MEIS1: variants seen among roughly 807,000 people sequenced by gnomAD.
MEIS1 encodes Meis homeobox 1.
In MEIS1, 5 loss-of-function variants were observed where a neutral mutation model predicts 50.8. The observed-to-expected ratio is 0.10, with a 90% CI of 0.05 to 0.21. The LOEUF is 0.21. MEIS1 is among the 10% of genes least tolerant of loss of function. MEIS1 has a pLI of 1.00. For synonymous variants in MEIS1, 176 were observed against 179.3 expected (o/e 0.98, Z 0.15); for missense variants, 318 against 517.3 (o/e 0.61, Z 3.74).
At chr2:66,506,550 G>T (rs1197385223) in intron 7 of MEIS1, among the ~76,000 whole-genome samples, 6 of 152,166 alleles carry the variant, frequency 3.9e-5, no homozygotes, top group Non-Finnish European at 1.5e-5. Context: ...GGCCTTCCAC[G>T]CCAGGCTAAG....
At chr2:66,565,962 T>C (rs1675336248) in intron 9 of MEIS1, among the ~76,000 whole-genome samples, 1 of 152,236 alleles carries the variant, frequency 6.6e-6, no homozygotes, top group Non-Finnish European at 1.5e-5. Context: ...GTGCTACACC[T>C]GTGCTTATAA....
chr2:66,475,788 T>C (rs1672879189), intron 7 of MEIS1, among the ~76,000 whole-genome samples: 1 of 152,154 alleles, frequency 6.6e-6, no homozygotes. Context: ...CCTAGAACAA[T>C]GCTGCAGTTA....
intron 8 of MEIS1, among the ~76,000 whole-genome samples, 191 bp from the exon 9 acceptor site, chr2:66,547,752 A>T (rs1464257266): frequency 6.6e-6 from 1 of 152,196 alleles, no homozygotes; most frequent in African/African-American, 2.4e-5. Flanking sequence ...GTAGCTATTT[A>T]TACACTTCAT....
intron 9 of MEIS1, among the ~76,000 whole-genome samples, chr2:66,551,912 A>C (rs1674931351): frequency 6.6e-6 from 1 of 152,026 alleles, no homozygotes; most frequent in Non-Finnish European, 1.5e-5. Flanking sequence ...ATGTTATATC[A>C]GCAGTGCAAA....
chr2:66,567,117 A>G (rs1417293255), intron 9 of MEIS1, among the ~76,000 whole-genome samples: 2 of 152,130 alleles, frequency 1.3e-5, no homozygotes, highest in Non-Finnish European at 2.9e-5. Context: ...CTTTACACCA[A>G]TTTTCTCTCT....
Position 66,572,989 on chromosome 2 carries a change from A to T in MEIS1, c.*1781A>T, listed in dbSNP as rs1675512461. 2.0e-5 allele frequency: 3 copies of T among 152,232 alleles called. No homozygotes were observed. In the South Asian group the frequency reaches 6.2e-4, roughly 31 times the overall value. 9.4% of individuals were successfully genotyped at this position (152,232 alleles called of 1,614,324 possible). A position where few individuals can be genotyped will look rare whatever the true frequency, so the allele number is the denominator to read the frequency against. Reference sequence around the variant, plus strand: ...GGCACTAAACTAACTCTAGACTCAGAATTACATCCAACAGAATTACTCATC... The same window carrying T: ...GGCACTAAACTAACTCTAGACTCAGTATTACATCCAACAGAATTACTCATC... On this transcript the variant is annotated 3_prime_UTR_variant, in exon 13 of 13. Coordinates refer to ENST00000272369, the MANE Select transcript of MEIS1 (RefSeq NM_002398.3).
intron 7 of MEIS1, chr2:66,496,286 C>T (rs1673401443): frequency 6.6e-6 from 1 of 152,144 alleles, no homozygotes; most frequent in Admixed American, 6.5e-5. Flanking sequence ...TTACTCCAGG[C>T]TGGTGATTCA....
intron 8 of MEIS1, among the ~76,000 whole-genome samples, chr2:66,517,800 G>T (rs151215351): frequency 6.6e-6 from 1 of 152,106 alleles, no homozygotes; most frequent in Non-Finnish European, 1.5e-5. Flanking sequence ...ATAATGAAGC[G>T]GGTGGTTTCC....
intron 6 of MEIS1, among the ~76,000 whole-genome samples, chr2:66,447,865 A>T (rs1000527905): frequency 6.6e-6 from 1 of 152,092 alleles, no homozygotes; most frequent in East Asian, 1.9e-4. Context: ...CTCTCAGTGG[A>T]AGTCCCCAGT....
intron 8 of MEIS1, among the ~76,000 whole-genome samples, chr2:66,526,929 A>G (rs1003476211): frequency 1.3e-5 from 2 of 152,118 alleles, no homozygotes; most frequent in Admixed American, 6.5e-5. Flanking sequence ...AACATCATCA[A>G]TTACCAAAAT....
At chr2:66,461,805 A>G in intron 6 of MEIS1, 2 of 466,130 alleles carry the variant, frequency 4.3e-6, no homozygotes, top group Non-Finnish European at 8.9e-6. Context: ...CTCACAGATC[A>G]TAGCGGAATC....
intron 8 of MEIS1, among the ~76,000 whole-genome samples, chr2:66,533,529 T>A (rs2103899185): frequency 6.6e-6 from 1 of 152,300 alleles, no homozygotes; most frequent in East Asian, 1.9e-4. Context: ...GTGTCTTTTT[T>A]TAACACTCTT....
At chr2:66,560,273 T>G (rs1322644276) in intron 9 of MEIS1, among the ~76,000 whole-genome samples, 1 of 151,970 alleles carries the variant, frequency 6.6e-6, no homozygotes, top group Non-Finnish European at 1.5e-5. Flanking sequence ...CAACTAGTGA[T>G]TGGTTCATTT....
In MEIS1 at chr2:66,571,439, T is replaced by C; in HGVS notation, c.*231T>C. The C allele has an allele frequency of 1.2e-6, 2 of 1,604,930 alleles. No individual in the cohort carries two copies. Among genetic ancestry groups the C allele is most frequent in the Non-Finnish European group, 1.7e-6 (2 of 1,175,898 alleles). Reference sequence around the variant, plus strand: ...TGATGCATGGAGGACCGCCCCACCCTGGAATGCCAATGTCAGCATCAAGCC... The same window carrying C: ...TGATGCATGGAGGACCGCCCCACCCCGGAATGCCAATGTCAGCATCAAGCC... On this transcript the variant is annotated 3_prime_UTR_variant, in exon 13 of 13. Coordinates refer to ENST00000272369, the MANE Select transcript of MEIS1 (RefSeq NM_002398.3).
chr2:66,536,126 A>T (rs1270063042), intron 8 of MEIS1, among the ~76,000 whole-genome samples: 1 of 152,210 alleles, frequency 6.6e-6, no homozygotes, highest in East Asian at 1.9e-4. Context: ...AAGCAGACCC[A>T]TCTAATGAAT....
chr2:66,476,553 A>G (rs972491578), intron 7 of MEIS1, among the ~76,000 whole-genome samples: 1 of 152,230 alleles, frequency 6.6e-6, no homozygotes, highest in Non-Finnish European at 1.5e-5. Flanking sequence ...ACAGTTTAGT[A>G]TATCATAGGT....
At chr2:66,440,987 C>T (rs970013479) in intron 4 of MEIS1, 3 of 346,290 alleles carry the variant, frequency 8.7e-6, no homozygotes, top group Non-Finnish European at 1.0e-5. Flanking sequence ...AGCCCCCAAA[C>T]AACCAGTTTG....
At chr2:66,547,323 C>G (rs1382636122) in intron 8 of MEIS1, among the ~76,000 whole-genome samples, 2 of 152,060 alleles carry the variant, frequency 1.3e-5, no homozygotes, top group Admixed American at 1.3e-4. Context: ...GGTCTTTGAC[C>G]TTATATTGGC....
chr2:66,563,485 T>C (rs1675267972), intron 9 of MEIS1, among the ~76,000 whole-genome samples: 1 of 152,176 alleles, frequency 6.6e-6, no homozygotes, highest in South Asian at 2.1e-4. Flanking sequence ...CCTCTTAAAA[T>C]GACAGGATTT....
Sources: allele counts gnomAD v4.1 joint callset (sites outside exome capture counted in the v4.1 genomes callset), GRCh38; gene constraint gnomAD v4.1.1; transcripts MANE v1.5; gene names NCBI Gene and HGNC (gene_info 2026-07-23, HGNC 2026-07-21).